PTPRG: variants seen among roughly 807,000 people sequenced by gnomAD.
PTPRG encodes the protein receptor-type tyrosine-protein phosphatase gamma.
A neutral mutation model predicts 165.3 loss-of-function variants in PTPRG; 102 were observed. The observed-to-expected ratio is 0.62, with a 90% CI of 0.53 to 0.73. The LOEUF is 0.73. Among genes scored for constraint, PTPRG ranks in the 30% least tolerant of loss-of-function variants. PTPRG has a pLI of 0.00. For missense variants in PTPRG, 1,866 were observed against 1,861.4 expected, an observed-to-expected ratio of 1.00 and a Z score of -0.05; for synonymous variants, 675 against 669.5, an observed-to-expected ratio of 1.01 and a Z score of -0.13.
chr3:61,876,804 C>T (rs1406396944), intron 2 of PTPRG, among the ~76,000 whole-genome samples: 2 of 152,132 alleles, frequency 1.3e-5, no homozygotes, highest in African/African-American at 4.8e-5. Flanking sequence ...TTCCCCACTA[C>T]CACTTAATAG....
rs539976812 is a variant in PTPRG at position 61,793,002 on chromosome 3, C to T, written c.190+44020C>T. Among the ~76,000 whole-genome samples the T allele has an allele frequency of 1.4e-4, 22 of 152,206 alleles. No individual in the cohort carries two copies. The East Asian group carries it at 4.1e-3, about 28-fold the overall frequency. On this transcript the variant is annotated intron_variant, in intron 2 of 29. Transcript: ENST00000474889. The stretch of plus-strand genomic sequence containing the variant: ...TCGGCCTTCCAAAGTGCTGGGATTA[C>T]AGGCATGAGCCTGTAAATAGAAAGG...
intron 1 of PTPRG, among the ~76,000 whole-genome samples, chr3:61,594,257 G>A (rs573391237): frequency 4.0e-5 from 6 of 151,886 alleles, no homozygotes; most frequent in Non-Finnish European, 7.4e-5. Context: ...ATACTCCTCC[G>A]GGAGGAGGGC....
intron 1 of PTPRG, among the ~76,000 whole-genome samples, chr3:61,630,905 A>C (rs1290048688): frequency 6.6e-6 from 1 of 151,952 alleles, no homozygotes; most frequent in Non-Finnish European, 1.5e-5. Flanking sequence ...AAAATACAAA[A>C]ATTAGCCAGG....
At chr3:62,282,978 G>A (rs1448828662) in intron 28 of PTPRG, 109 bp downstream of exon 28, 1 of 974,178 alleles carries the variant, frequency 1.0e-6, no homozygotes, top group African/African-American at 1.7e-5. Flanking sequence ...AACAACCTCA[G>A]CTTGTGACAA....
intron 2 of PTPRG, among the ~76,000 whole-genome samples, chr3:61,758,044 GCCCA>G (rs2033691143): frequency 6.6e-6 from 1 of 152,072 alleles, no homozygotes; most frequent in South Asian, 2.1e-4. Flanking sequence ...GATTCATAAA[GCCCA>G]CCCACTTCTT....
In PTPRG at chr3:61,745,442, T is replaced by C. The variant is rs190636463; in HGVS notation, c.86-3436T>C. On this transcript the variant is annotated intron_variant, in intron 1 of 29. Transcript: ENST00000474889. ...AGTTCAGGAATATGCCTGTGCCCTA[T>C]TTCCAGGGAGCTTAGAGCCCTTCAT... 5.2e-4 allele frequency among the ~76,000 whole-genome samples: 79 copies of C among 152,296 alleles called. 1 individual carries two copies. In the East Asian group the frequency reaches 0.01, roughly 19 times the overall value.
rs1314163847 is a variant in PTPRG at position 61,688,037 on chromosome 3, G to A, written c.86-60841G>A. 2.6e-5 allele frequency among the ~76,000 whole-genome samples: 4 copies of A among 152,172 alleles called. No homozygotes were observed. The East Asian group carries it at 5.8e-4, about 22-fold the overall frequency. On this transcript the variant is annotated intron_variant, in intron 1 of 29. Transcript: ENST00000474889. The stretch of plus-strand genomic sequence containing the variant: ...CTTGATTTGGAGATGTCCCCATTCA[G>A]CCCCTTCTTCTGAGGGCATCTGGCC...
intron 4 of PTPRG, among the ~76,000 whole-genome samples, chr3:62,058,109 C>G (rs963306141): frequency 6.6e-6 from 1 of 152,166 alleles, no homozygotes; most frequent in Non-Finnish European, 1.5e-5. Context: ...TGTGCTTCCC[C>G]TAGCATGCAA....
intron 15 of PTPRG, among the ~76,000 whole-genome samples, chr3:62,251,872 T>G (rs1333161472): frequency 6.6e-6 from 1 of 152,132 alleles, no homozygotes; most frequent in Non-Finnish European, 1.5e-5. Flanking sequence ...GGTTTCCTTA[T>G]GTGCACTTTG....
At chr3:61,567,136 C>T (rs9828525) in intron 1 of PTPRG, among the ~76,000 whole-genome samples, 61,385 of 151,904 alleles carry the variant, frequency 0.4, 12,624 homozygotes, top group East Asian at 0.6. Flanking sequence ...AAACTGTTTT[C>T]GGCTGTATCC....
At chr3:61,955,076 T>A (rs1018269531) in intron 2 of PTPRG, among the ~76,000 whole-genome samples, 1 of 152,218 alleles carries the variant, frequency 6.6e-6, no homozygotes, top group Non-Finnish European at 1.5e-5. Context: ...AACCTCCACC[T>A]TAGTTATTGA....
At chr3:61,943,329 C>T (rs1200983391) in intron 2 of PTPRG, among the ~76,000 whole-genome samples, 1 of 152,198 alleles carries the variant, frequency 6.6e-6, no homozygotes, top group Non-Finnish European at 1.5e-5. Flanking sequence ...TGGCTCACGC[C>T]TATAATCCTA....
rs113069211 is a variant in PTPRG, at chr3:61,833,067, T to TTGTGTGTGTGTGTGTGTGTG, written c.190+84095_190+84114dup. 3.6e-3 allele frequency among the ~76,000 whole-genome samples: 535 copies of TTGTGTGTGTGTGTGTGTGTG among 146,882 alleles called. 4 individuals carry two copies. Among genetic ancestry groups the TTGTGTGTGTGTGTGTGTGTG allele is most frequent in the African/African-American group, 0.013 (497 of 38,890 alleles). ...CTTTTTATGTCTGAGTAGTATTCCA[T>TTGTGTGTGTGTGTGTGTGTG]TGTGTGTGTGTGTGTGTGTGTGTGT... On this transcript the variant is annotated intron_variant, in intron 2 of 29. Transcript: ENST00000474889.
chr3:62,066,896 G>T, intron 4 of PTPRG, among the ~76,000 whole-genome samples: 1 of 152,020 alleles, frequency 6.6e-6, no homozygotes. Context: ...TAATTAGCTG[G>T]ATGTGGTGGC....
intron 2 of PTPRG, among the ~76,000 whole-genome samples, chr3:61,872,947 G>GA (rs933023806): frequency 4.6e-5 from 7 of 152,064 alleles, no homozygotes; most frequent in Non-Finnish European, 8.8e-5. Flanking sequence ...GATCCATCTA[G>GA]AAAAAAATCT....
rs1438091311 is a variant in PTPRG at position 62,267,781 on chromosome 3, A to ATCAT, written c.2838_2841dup (p.Val948HisfsTer16). 1 of 1,613,422 alleles carries ATCAT rather than the reference A, an allele frequency of 6.2e-7. No individual in the cohort carries two copies. The highest frequency in any genetic ancestry group is 8.5e-7 in the Non-Finnish European group (1 of 1,179,550). On this transcript the variant is annotated frameshift_variant, in exon 19 of 30. Coordinates refer to ENST00000474889, the MANE Select transcript of PTPRG (RefSeq NM_002841.4). LOFTEE classifies it high-confidence loss of function. ...GATGATTTGGGAACAAAACACTGGA[A>ATCAT]TCATTGTGATGATTACGAACCTTGT...
chr3:62,258,961 T>C (rs1426651195), intron 16 of PTPRG, among the ~76,000 whole-genome samples: 2 of 152,166 alleles, frequency 1.3e-5, no homozygotes, highest in African/African-American at 4.8e-5. Flanking sequence ...CAAAGCTCCA[T>C]GAGTCAGAAG....
intron 1 of PTPRG, among the ~76,000 whole-genome samples, chr3:61,658,783 C>G (rs1260839104): frequency 6.6e-6 from 1 of 152,140 alleles, no homozygotes; most frequent in African/African-American, 2.4e-5. Context: ...CACTCATGGC[C>G]ATGATCTAGT....
At chr3:61,737,421 A>G (rs531893352) in intron 1 of PTPRG, among the ~76,000 whole-genome samples, 2 of 152,230 alleles carry the variant, frequency 1.3e-5, no homozygotes, top group African/African-American at 4.8e-5. Context: ...ACTTGCCTAA[A>G]TCTTACCAAA....
Sources: gnomAD v4.1 joint callset for allele counts (sites outside exome capture counted in the v4.1 genomes callset) on GRCh38, gnomAD v4.1.1 for gene constraint, MANE v1.5 for transcripts, NCBI Gene and HGNC (gene_info 2026-07-23, HGNC 2026-07-21) for gene names.